CBLB: variants seen among roughly 807,000 people sequenced by gnomAD.
CBLB encodes E3 ubiquitin-protein ligase CBL-B.
A neutral mutation model predicts 104.9 loss-of-function variants in CBLB; 31 were observed. The observed-to-expected ratio is 0.30, with a 90% CI of 0.22 to 0.40. The LOEUF is 0.40. Ranked by LOEUF, CBLB falls within the 10% of genes least tolerant of loss-of-function variation. The probability of loss-of-function intolerance (pLI) is 1.00; values close to 1 mark genes in which losing one functional copy is unlikely to be tolerated. For missense variants in CBLB, 1,062 were observed against 1,214.6 expected (o/e 0.87, Z 1.87); for synonymous variants, 440 against 422.6 (o/e 1.04, Z -0.51).
chr3:105,734,724 G>T (rs2074713852), intron 8 of CBLB, among the ~76,000 whole-genome samples: 1 of 152,088 alleles, frequency 6.6e-6, no homozygotes, highest in African/African-American at 2.4e-5. Context: ...GTTAGGCCTG[G>T]GGCTTAATCA....
At chr3:105,801,444 G>C (rs1306969207) in intron 3 of CBLB, among the ~76,000 whole-genome samples, 1 of 152,192 alleles carries the variant, frequency 6.6e-6, no homozygotes, top group Non-Finnish European at 1.5e-5. Context: ...AAGTTAAAAT[G>C]AGTAATCCTC....
intron 3 of CBLB, among the ~76,000 whole-genome samples, chr3:105,848,652 T>C (rs368382992): frequency 6.6e-6 from 1 of 152,222 alleles, no homozygotes; most frequent in Admixed American, 6.5e-5. Context: ...TTTTGATTCA[T>C]GTACTCATCC....
chr3:105,838,226 G>T (rs1283872077), intron 3 of CBLB, among the ~76,000 whole-genome samples: 1 of 144,660 alleles, frequency 6.9e-6, no homozygotes, highest in African/African-American at 2.6e-5. Context: ...TGGGACCACA[G>T]GCATGGGCCA....
chr3:105,659,246 A>G lies in CBLB; in HGVS notation c.2690-17T>C, dbSNP rs775899729. On this transcript the variant is annotated splice_polypyrimidine_tract_variant and intron_variant, in intron 18 of 18. Transcript: ENST00000394030. ...GTGAACCATCTGTGTAGATTTTTAAAGAGAGATACTATTTAAACAGTGAAA... is the reference window on the plus strand; with the variant it reads ...GTGAACCATCTGTGTAGATTTTTAAGGAGAGATACTATTTAAACAGTGAAA... 3.7e-6 allele frequency: 6 copies of G among 1,611,920 alleles called. No homozygotes were observed. Among genetic ancestry groups the G allele is most frequent in the Non-Finnish European group, 5.1e-6 (6 of 1,178,282 alleles).
chr3:105,731,758 A>G (rs1010143928), intron 9 of CBLB, among the ~76,000 whole-genome samples: 1 of 152,178 alleles, frequency 6.6e-6, no homozygotes, highest in Non-Finnish European at 1.5e-5. Context: ...CCTGGCCAGT[A>G]AACTATTTTG....
At chr3:105,791,862 T>C (rs1241024279) in intron 3 of CBLB, among the ~76,000 whole-genome samples, 8 of 152,244 alleles carry the variant, frequency 5.3e-5, no homozygotes, top group African/African-American at 1.9e-4. Flanking sequence ...TTGGATTTTA[T>C]TAATATCTAT....
At chr3:105,707,566 G>C (rs185040136) in intron 10 of CBLB, among the ~76,000 whole-genome samples, 1 of 152,192 alleles carries the variant, frequency 6.6e-6, no homozygotes, top group Non-Finnish European at 1.5e-5. Context: ...TTAGTGTACT[G>C]AAGCTTTGCC....
chr3:105,658,974 A>G lies in CBLB; in HGVS notation c.2945T>C (p.Leu982Pro). 6.2e-7 allele frequency: 1 copy of G among 1,613,730 alleles called. No homozygotes were observed. Among genetic ancestry groups the G allele is most frequent in the Non-Finnish European group, 8.5e-7 (1 of 1,179,850 alleles). Residue 982 changes from leucine to proline, a missense_variant, in exon 19 of 19, where the codon CTA (leucine) becomes CCA (proline). Leu to Pro is a moderately conservative substitution (Grantham distance 98). Transcript: ENST00000394030. ...FPPPVSPRLN[L>P] is the part of the protein sequence containing the mutation. Reference sequence around the variant, plus strand: ...TGGTGTCTACAGTTCTGGCTGCTATAGATTTAGACGTGGGGATACTGGAGG... The same window carrying G: ...TGGTGTCTACAGTTCTGGCTGCTATGGATTTAGACGTGGGGATACTGGAGG...
intron 7 of CBLB, among the ~76,000 whole-genome samples, 156 bp from the exon 8 acceptor site, chr3:105,737,414 T>C (rs1285869033): frequency 1.3e-5 from 2 of 152,144 alleles, no homozygotes; most frequent in Non-Finnish European, 2.9e-5. Context: ...TCCAAATTAC[T>C]ATGTTGTTTT....
intron 3 of CBLB, among the ~76,000 whole-genome samples, chr3:105,840,015 T>C (rs1463790899): frequency 1.3e-5 from 2 of 152,196 alleles, no homozygotes; most frequent in African/African-American, 4.8e-5. Context: ...AATCTTTAGT[T>C]AAATGAAAAT....
At chr3:105,785,117 C>T (rs537081702) in intron 3 of CBLB, among the ~76,000 whole-genome samples, 68 of 152,296 alleles carry the variant, frequency 4.5e-4, no homozygotes, top group African/African-American at 1.2e-3. Flanking sequence ...TCAGCTCTAT[C>T]AGCGCACATC....
chr3:105,666,318 T>C (rs1559739140), intron 18 of CBLB, among the ~76,000 whole-genome samples: 1 of 152,188 alleles, frequency 6.6e-6, no homozygotes. Context: ...TGATTAACTT[T>C]GTTATTCTAC....
chr3:105,804,474 T>C (rs915926590), intron 3 of CBLB, among the ~76,000 whole-genome samples: 1 of 150,932 alleles, frequency 6.6e-6, no homozygotes, highest in Non-Finnish European at 1.5e-5. Context: ...TGAGCCAAGA[T>C]CGCTCCACTG....
chr3:105,838,663 CCTT>C (rs1182495272), intron 3 of CBLB, among the ~76,000 whole-genome samples: 5 of 146,718 alleles, frequency 3.4e-5, no homozygotes, highest in African/African-American at 5.1e-5. Flanking sequence ...AGAAATGTAT[CCTT>C]CTTTTTTTTT....
chr3:105,663,465 C>A (rs1345281618), intron 18 of CBLB, among the ~76,000 whole-genome samples: 6 of 152,098 alleles, frequency 3.9e-5, no homozygotes, highest in African/African-American at 1.2e-4. Flanking sequence ...TGTGCCTAAT[C>A]AAAAGCAACA....
At chr3:105,674,995 A>G (rs759652785) in intron 17 of CBLB, among the ~76,000 whole-genome samples, 1 of 152,228 alleles carries the variant, frequency 6.6e-6, no homozygotes. Context: ...ACTACTATAT[A>G]GAAGTCAATG....
Position 105,704,113 on chromosome 3 carries a change from T to C in CBLB, c.1468A>G (p.Arg490Gly). 6.2e-7 allele frequency: 1 copy of C among 1,614,152 alleles called. No individual in the cohort carries two copies. Among genetic ancestry groups the C allele is most frequent in the Non-Finnish European group, 8.5e-7 (1 of 1,180,008 alleles). ...TGGAGTGGGTCAGGCTGTGGCTTTC[T>C]TCTCTGGGCAAGGGGAGAGGATCCT... ...SPGSSPLAQR[R>G]KPQPDPLQIP... Residue 490 changes from arginine (R) to glycine (G), a missense_variant, in exon 11 of 19, where the codon AGA becomes GGA. By Grantham distance (125) the Arg-to-Gly change is moderately radical. This residue lies in a region of CBLB where 457 missense variants were observed against 632.0 expected (regional missense o/e 0.72). Transcript: ENST00000394030.
intron 3 of CBLB, among the ~76,000 whole-genome samples, chr3:105,785,762 A>AT (rs372059398): frequency 2.7e-4 from 41 of 152,190 alleles, no homozygotes; most frequent in African/African-American, 7.0e-4. Flanking sequence ...AAATCATGAG[A>AT]TTTTTTCTAC....
chr3:105,664,322 C>T (rs1163430819), intron 18 of CBLB, among the ~76,000 whole-genome samples: 7 of 151,988 alleles, frequency 4.6e-5, no homozygotes, highest in Admixed American at 2.0e-4. Context: ...TTTGATAGTA[C>T]ATAAAAATAA....
Sources: allele counts gnomAD v4.1 joint callset (sites outside exome capture counted in the v4.1 genomes callset), GRCh38; gene constraint gnomAD v4.1.1; regional missense constraint gnomAD v4.1.1; transcripts MANE v1.5; gene names NCBI Gene and HGNC (gene_info 2026-07-23, HGNC 2026-07-21).